SLC10A7: variants seen among roughly 807,000 people sequenced by gnomAD.
The protein encoded by SLC10A7 is sodium/bile acid cotransporter 7.
Under a neutral mutation model 43.2 loss-of-function variants are expected in SLC10A7, and 29 were observed. That is an observed-to-expected ratio of 0.67 (90% CI 0.50 to 0.92). SLC10A7 has a LOEUF of 0.92. SLC10A7 is among the 40% of genes least tolerant of loss of function. SLC10A7 has a pLI of 0.00. For missense variants in SLC10A7, 295 were observed against 403.2 expected, an observed-to-expected ratio of 0.73 and a Z score of 2.30; for synonymous variants, 152 against 144.8, an observed-to-expected ratio of 1.05 and a Z score of -0.35.
At chr4:146,287,383 A>G (rs1247381690) in intron 9 of SLC10A7, among the ~76,000 whole-genome samples, 1 of 152,192 alleles carries the variant, frequency 6.6e-6, no homozygotes, top group African/African-American at 2.4e-5. Context: ...GCCAAGAATA[A>G]AGAAGTTATC....
Position 146,261,786 on chromosome 4 carries a change from G to C in SLC10A7, c.848-2949C>G, listed in dbSNP as rs574384119. ...AAATATGTTTGAAAATAATATATCA[G>C]AGAAAAAAATAGCTCCCAGAGGTCA... On this transcript the variant is annotated intron_variant, in intron 10 of 11. Transcript: ENST00000335472. Among the ~76,000 whole-genome samples, 21 of 152,180 alleles carry C rather than the reference G, an allele frequency of 1.4e-4. No homozygotes were observed. The South Asian group carries it at 4.3e-3, about 32-fold the overall frequency.
chr4:146,263,315 A>G (rs558015583), intron 10 of SLC10A7, among the ~76,000 whole-genome samples: 2 of 152,140 alleles, frequency 1.3e-5, no homozygotes, highest in South Asian at 4.2e-4. Flanking sequence ...CATTTCCTTT[A>G]CCAAGCTGTA....
chr4:146,255,567 AG>A lies in SLC10A7; in HGVS notation c.*923del, dbSNP rs1439202903. 2 of 152,438 alleles carry A rather than the reference AG, an allele frequency of 1.3e-5. No homozygotes were observed. The highest frequency in any genetic ancestry group is 2.9e-5 in the Non-Finnish European group (2 of 68,044). 9.4% of individuals were successfully genotyped at this position (152,438 alleles called of 1,614,324 possible). On this transcript the variant is annotated 3_prime_UTR_variant, in exon 12 of 12. Transcript: ENST00000335472. ...ATGTAACAGGCTGCTTTTGGCCAAC[AG>A]GGGCAATCTGGAAAGTGCTCAGCAC...
chr4:146,277,650 G>C (rs1303000349), intron 10 of SLC10A7, among the ~76,000 whole-genome samples: 1 of 152,078 alleles, frequency 6.6e-6, no homozygotes, highest in Non-Finnish European at 1.5e-5. Context: ...TGCATGACAG[G>C]AATATATTTA....
At chr4:146,392,225 A>G (rs1050750055) in intron 5 of SLC10A7, among the ~76,000 whole-genome samples, 1 of 152,232 alleles carries the variant, frequency 6.6e-6, no homozygotes, top group Non-Finnish European at 1.5e-5. Flanking sequence ...GTCATTATGC[A>G]TAACATAATA....
At chr4:146,304,889 C>T (rs1238712085) in intron 7 of SLC10A7, among the ~76,000 whole-genome samples, 4 of 151,874 alleles carry the variant, frequency 2.6e-5, no homozygotes, top group Admixed American at 2.0e-4. Flanking sequence ...GAGTCTAAGT[C>T]TCTTTGTAGG....
chr4:146,420,006 A>C (rs1728840703), intron 5 of SLC10A7, among the ~76,000 whole-genome samples: 1 of 152,184 alleles, frequency 6.6e-6, no homozygotes, highest in African/African-American at 2.4e-5. Flanking sequence ...AATGTTACAA[A>C]GTGTACCAAG....
intron 5 of SLC10A7, among the ~76,000 whole-genome samples, chr4:146,340,200 ATCTC>A (rs1368828141): frequency 1.3e-5 from 2 of 151,796 alleles, no homozygotes; most frequent in Non-Finnish European, 2.9e-5. Context: ...TAGACTCTGA[ATCTC>A]TCTAAGGCAG....
chr4:146,510,029 C>T lies in SLC10A7; in HGVS notation c.204G>A (p.Val68=). The T allele has an allele frequency of 6.2e-7, 1 of 1,610,030 alleles. No homozygotes were observed. The highest frequency in any genetic ancestry group is 8.5e-7 in the Non-Finnish European group (1 of 1,178,234). Residue 68 remains valine (V), a synonymous_variant, in exon 3 of 12, where the codon GTG becomes GTA. Coordinates refer to ENST00000335472, the MANE Select transcript of SLC10A7 (RefSeq NM_001029998.6). ...LKTEELTSAL[V]HLKLHLFIQI... ...GAATAAAAAGATGCAGTTTTAGATG[C>T]ACCAAAGCACTGGTCAGCTCCTGGA...
chr4:146,398,398 G>C (rs1738987517), intron 5 of SLC10A7, among the ~76,000 whole-genome samples: 1 of 152,088 alleles, frequency 6.6e-6, no homozygotes, highest in Non-Finnish European at 1.5e-5. Flanking sequence ...TAGAGAAGTA[G>C]TATCAAAAAG....
At chr4:146,402,403 T>C (rs1318169252) in intron 5 of SLC10A7, among the ~76,000 whole-genome samples, 1 of 152,012 alleles carries the variant, frequency 6.6e-6, no homozygotes, top group Non-Finnish European at 1.5e-5. Context: ...GTAACCAATC[T>C]ACTGGCCCTA....
At chr4:146,468,239 A>G (rs1057305151) in intron 4 of SLC10A7, among the ~76,000 whole-genome samples, 1 of 152,164 alleles carries the variant, frequency 6.6e-6, no homozygotes, top group African/African-American at 2.4e-5. Flanking sequence ...AGCTTAATAA[A>G]TATTAGCTAT....
chr4:146,326,967 C>G (rs1467029237), intron 5 of SLC10A7, among the ~76,000 whole-genome samples: 2 of 81,804 alleles, frequency 2.4e-5, no homozygotes, highest in African/African-American at 1.3e-4. Context: ...CACACACACA[C>G]AGAAAAAGAG....
chr4:146,376,816 G>A (rs968958632), intron 5 of SLC10A7, among the ~76,000 whole-genome samples: 5 of 152,174 alleles, frequency 3.3e-5, no homozygotes, highest in Non-Finnish European at 7.3e-5. Flanking sequence ...ATAACCTGAT[G>A]CGTCCACTTT....
chr4:146,340,124 A>G (rs1171636711), intron 5 of SLC10A7, among the ~76,000 whole-genome samples: 3 of 152,040 alleles, frequency 2.0e-5, no homozygotes, highest in East Asian at 1.9e-4. Context: ...TTTATTAAAT[A>G]TCAGGGGGTA....
At chr4:146,263,288 A>G (rs1728349972) in intron 10 of SLC10A7, among the ~76,000 whole-genome samples, 1 of 152,034 alleles carries the variant, frequency 6.6e-6, no homozygotes, top group Non-Finnish European at 1.5e-5. Flanking sequence ...CCTTATTATC[A>G]TTGCCTGCTT....
chr4:146,516,896 C>T, intron 2 of SLC10A7, 142 bp downstream of exon 2: 1 of 603,718 alleles, frequency 1.7e-6, no homozygotes, highest in Admixed American at 2.7e-5. Flanking sequence ...AACACAAGTC[C>T]TTTGCCGACC....
chr4:146,348,521 T>C (rs1159197881), intron 5 of SLC10A7, among the ~76,000 whole-genome samples: 1 of 152,122 alleles, frequency 6.6e-6, no homozygotes, highest in Non-Finnish European at 1.5e-5. Context: ...TTGAGGAAAT[T>C]TGAAAAAATG....
chr4:146,374,351 G>A (rs1737009483), intron 5 of SLC10A7, among the ~76,000 whole-genome samples: 3 of 152,012 alleles, frequency 2.0e-5, no homozygotes, highest in Non-Finnish European at 4.4e-5. Context: ...CACTTTGGGA[G>A]GCCGAGGCAG....
Sources: gnomAD v4.1 joint callset for allele counts (sites outside exome capture counted in the v4.1 genomes callset) on GRCh38, gnomAD v4.1.1 for gene constraint, MANE v1.5 for transcripts, NCBI Gene and HGNC (gene_info 2026-07-23, HGNC 2026-07-21) for gene names.